GLI3: variants seen among roughly 807,000 people sequenced by gnomAD.
The protein encoded by GLI3 is GLI family zinc finger 3.
In GLI3, 20 loss-of-function variants were observed where a neutral mutation model predicts 100.8. The observed-to-expected ratio is 0.20, with a 90% CI of 0.14 to 0.29. The LOEUF is 0.29. GLI3 is among the 10% of genes least tolerant of loss of function. GLI3 has a pLI of 1.00. For synonymous variants in GLI3, 938 were observed against 860.5 expected (o/e 1.09, Z -1.58); for missense variants, 2,040 against 2,128.5 (o/e 0.96, Z 0.82).
In GLI3 at chr7:41,978,670, G is replaced by A. The variant is rs1195424687; in HGVS notation, c.1576C>T (p.Pro526Ser). The A allele has an allele frequency of 3.7e-6, 6 of 1,613,858 alleles. No individual in the cohort carries two copies. Among genetic ancestry groups the A allele is most frequent in the Non-Finnish European group, 5.1e-6 (6 of 1,179,774 alleles). ...ACCAACATATACTGGGCTTTGAAGGGTTTCTGCTCTCTTGAGCAGTCCAGC... is the reference window on the plus strand; with the variant it reads ...ACCAACATATACTGGGCTTTGAAGGATTTCTGCTCTCTTGAGCAGTCCAGC... ...RWLDCSREQKPFKAQYMLVVH... is the reference protein window; with the variant it reads ...RWLDCSREQKSFKAQYMLVVH... The change falls in exon 11 of 15, where the codon CCC becomes TCC. Residue 526 changes from proline to serine, a missense_variant. By Grantham distance (74) the Pro-to-Ser change is moderately conservative. Around this residue, in one of 5 missense-constraint regions of GLI3, gnomAD observed 61 missense variants for 150.9 expected, o/e 0.40. Coordinates refer to ENST00000395925, the MANE Select transcript of GLI3 (RefSeq NM_000168.6).
chr7:42,256,979 CAT>C (rs555719396), intron 1 of GLI3, among the ~76,000 whole-genome samples: 250 of 152,220 alleles, frequency 1.6e-3, no homozygotes, highest in Middle Eastern at 3.4e-3. Context: ...TTTTATTTCA[CAT>C]GTCTTGCATA....
intron 2 of GLI3, among the ~76,000 whole-genome samples, chr7:42,186,195 A>C (rs1165595856): frequency 2.0e-5 from 3 of 152,118 alleles, no homozygotes; most frequent in South Asian, 4.1e-4. Flanking sequence ...CCCTCCTCCA[A>C]TCAAATAATT....
intron 10 of GLI3, among the ~76,000 whole-genome samples, chr7:42,007,674 A>C (rs1165521578): frequency 6.6e-6 from 1 of 152,220 alleles, no homozygotes; most frequent in Non-Finnish European, 1.5e-5. Flanking sequence ...GGGAATTTTC[A>C]TATGTAATAC....
intron 7 of GLI3, among the ~76,000 whole-genome samples, chr7:42,031,332 T>G (rs1789291740): frequency 6.6e-6 from 1 of 152,238 alleles, no homozygotes; most frequent in Non-Finnish European, 1.5e-5. Context: ...AATCTATATT[T>G]AGTCAATAAG....
At chr7:42,166,498 T>A (rs570113967) in intron 2 of GLI3, among the ~76,000 whole-genome samples, 8 of 151,900 alleles carry the variant, frequency 5.3e-5, no homozygotes, top group African/African-American at 1.9e-4. Flanking sequence ...CACTGGAGCA[T>A]CCCTGTGGGC....
At chr7:42,237,270 A>G (rs1788827346), upstream of GLI3, among the ~76,000 whole-genome samples, 2 of 150,926 alleles carry the variant, frequency 1.3e-5, no homozygotes, top group Admixed American at 1.3e-4. Context: ...CTCCGGCATC[A>G]GTTTCGGGGA....
At position 42,256,438 on chromosome 7, in the gene GLI3, A is replaced by C. The variant is rs373894488; in HGVS notation, c.-43+7556T>G. On this transcript the variant is annotated intron_variant, in intron 1 of 2. Coordinates refer to the GLI3 transcript ENST00000678978. Reference sequence around the variant, plus strand: ...AGCTCTTAGATTTAAGTTTATAATCAATTTTGAGTTAATTTCTGCATATGA... The same window carrying C: ...AGCTCTTAGATTTAAGTTTATAATCCATTTTGAGTTAATTTCTGCATATGA... Among the ~76,000 whole-genome samples the C allele has an allele frequency of 1.1e-4, 17 of 152,290 alleles. 1 individual carries two copies. The South Asian group carries it at 3.5e-3, about 32-fold the overall frequency.
intron 3 of GLI3, among the ~76,000 whole-genome samples, chr7:42,147,063 T>TA (rs971200817): frequency 2.6e-5 from 4 of 151,700 alleles, no homozygotes; most frequent in Non-Finnish European, 5.9e-5. Flanking sequence ...TCTCTCCACT[T>TA]AAAAAAAATA....
chr7:42,020,209 C>A (rs1310896945), intron 10 of GLI3, among the ~76,000 whole-genome samples: 7 of 152,144 alleles, frequency 4.6e-5, no homozygotes, highest in African/African-American at 1.2e-4. Flanking sequence ...GACTACCTGG[C>A]GGGCAAAGTC....
intron 3 of GLI3, among the ~76,000 whole-genome samples, chr7:42,118,948 TG>T (rs561645584): frequency 7.5e-4 from 115 of 152,332 alleles, no homozygotes; most frequent in Middle Eastern, 3.4e-3. Context: ...GAACACCATT[TG>T]GGTGACCCTT....
intron 1 of GLI3, among the ~76,000 whole-genome samples, chr7:42,248,547 C>T (rs1385158800): frequency 6.6e-6 from 1 of 152,122 alleles, no homozygotes; most frequent in African/African-American, 2.4e-5. Flanking sequence ...ATTTACTTAA[C>T]AGTAGAGCCA....
At chr7:42,160,181 T>C (rs1221043544) in intron 2 of GLI3, among the ~76,000 whole-genome samples, 2 of 152,204 alleles carry the variant, frequency 1.3e-5, no homozygotes, top group African/African-American at 4.8e-5. Context: ...GTGGCATTTA[T>C]GAAAGCTAGG....
intron 1 of GLI3, among the ~76,000 whole-genome samples, chr7:42,252,921 T>C (rs1404543337): frequency 6.6e-6 from 1 of 152,206 alleles, no homozygotes; most frequent in Non-Finnish European, 1.5e-5. Flanking sequence ...TTTAAAATGT[T>C]TTATTTTGCA....
chr7:42,257,354 CTTTT>C (rs61449410), intron 1 of GLI3, among the ~76,000 whole-genome samples: 6 of 130,582 alleles, frequency 4.6e-5, no homozygotes, highest in African/African-American at 1.4e-4. Flanking sequence ...ATCATTCAGT[CTTTT>C]TTTTTTTTTT....
chr7:42,196,208 T>C (rs1787924987), intron 2 of GLI3, among the ~76,000 whole-genome samples: 1 of 152,204 alleles, frequency 6.6e-6, no homozygotes, highest in Non-Finnish European at 1.5e-5. Flanking sequence ...AAATATCTTT[T>C]AAAGGGACCT....
At chr7:42,254,891 T>A (rs1363107908) in intron 1 of GLI3, among the ~76,000 whole-genome samples, 1 of 152,010 alleles carries the variant, frequency 6.6e-6, no homozygotes, top group Non-Finnish European at 1.5e-5. Flanking sequence ...AAATGCCAGA[T>A]ATAATTCAAT....
upstream of GLI3, among the ~76,000 whole-genome samples, chr7:42,240,624 T>C (rs946707692): frequency 2.0e-5 from 3 of 152,208 alleles, no homozygotes; most frequent in African/African-American, 7.2e-5. Context: ...CTCTGGCTTC[T>C]CTTCTTATAA....
At chr7:42,116,773 A>G (rs535255707) in intron 3 of GLI3, among the ~76,000 whole-genome samples, 1 of 152,132 alleles carries the variant, frequency 6.6e-6, no homozygotes, top group Non-Finnish European at 1.5e-5. Flanking sequence ...GGATCCATAA[A>G]CACAGACAGC....
intron 3 of GLI3, chr7:42,118,416 C>T (rs1357956787): frequency 2.5e-6 from 1 of 397,638 alleles, no homozygotes; most frequent in Non-Finnish European, 4.4e-6. Flanking sequence ...AGTGGCAGTG[C>T]CATGACTCAA....
Sources: allele counts gnomAD v4.1 joint callset (sites outside exome capture counted in the v4.1 genomes callset), GRCh38; gene constraint gnomAD v4.1.1; regional missense constraint gnomAD v4.1.1; transcripts MANE v1.5; gene names NCBI Gene and HGNC (gene_info 2026-07-23, HGNC 2026-07-21).